Variants in SRSF11 observed in about 807,000 individuals in gnomAD.
SRSF11 encodes the protein serine/arginine-rich splicing factor 11.
A neutral mutation model predicts 56.0 loss-of-function variants in SRSF11; 9 were observed. That is an observed-to-expected ratio of 0.16 (90% confidence interval 0.10 to 0.28). The LOEUF (loss-of-function observed/expected upper bound fraction) is 0.28, where lower values mean the gene tolerates loss of function less well. Among genes scored for constraint, SRSF11 ranks in the 10% least tolerant of loss-of-function variants. The pLI is 1.00. For synonymous variants in SRSF11, 222 were observed against 215.3 expected, an observed-to-expected ratio of 1.03 and a Z score of -0.27; for missense variants, 421 against 600.7, an observed-to-expected ratio of 0.70 and a Z score of 3.13.
Position 70,221,574 on chromosome 1 carries a change from T to A in SRSF11, c.-63T>A. 1 of 1,540,910 alleles carries A rather than the reference T, an allele frequency of 6.5e-7. No individual in the cohort carries two copies. On this transcript the variant is annotated 5_prime_UTR_variant, in exon 1 of 12. Coordinates refer to ENST00000370949, the MANE Select transcript of SRSF11 (RefSeq NM_001350605.2). ...CCCGCAATCCGGTTCCTCTTCCCCC[T>A]CCTTCTCACTGTTTGTTGTGTGTTT...
rs78336031 is a variant in SRSF11, at chr1:70,227,903, T to C, written c.204-519T>C. ...GATTATTTACAGTGCATAAGAGTTCTTACATGCTGTGGGTAAAAGAGTGCA... is the reference window on the plus strand; with the variant it reads ...GATTATTTACAGTGCATAAGAGTTCCTACATGCTGTGGGTAAAAGAGTGCA... On this transcript the variant is annotated intron_variant, in intron 1 of 11. Coordinates refer to ENST00000370949, the MANE Select transcript of SRSF11 (RefSeq NM_001350605.2). Among the ~76,000 whole-genome samples, 1,345 of 152,326 alleles carry C rather than the reference T, an allele frequency of 8.8e-3. 22 individuals are homozygous for C. Among genetic ancestry groups the C allele is most frequent in the African/African-American group, 0.031 (1,269 of 41,562 alleles).
At chr1:70,230,513 CT>C in intron 2 of SRSF11, 1 of 1,247,364 alleles carries the variant, frequency 8.0e-7, no homozygotes, top group Non-Finnish European at 1.0e-6. Context: ...ATGTTTGTTT[CT>C]TTTGTCTGTT....
At position 70,244,755 on chromosome 1, in the gene SRSF11, G is replaced by A; in HGVS notation, c.872G>A (p.Arg291Lys). ...SRSRRRSKSP[R>K]RRRSHSRERG... Reference sequence around the variant, plus strand: ...AGTCGGCGACGATCCAAAAGCCCAAGGCGGAGAAGATCTCATTCCAGAGAA... The same window carrying A: ...AGTCGGCGACGATCCAAAAGCCCAAAGCGGAGAAGATCTCATTCCAGAGAA... The change falls in exon 8 of 12, where the codon AGG (arginine) becomes AAG (lysine). Residue 291 changes from arginine (R) to lysine (K), a missense_variant. Physicochemically the swap from Arg to Lys is conservative, Grantham distance 26 (BLOSUM62 2). Around this residue, in one of 2 missense-constraint regions of SRSF11, gnomAD observed 253 missense variants for 305.8 expected, o/e 0.83. Transcript: ENST00000370949. 3 of 1,614,160 alleles carry A rather than the reference G, an allele frequency of 1.9e-6. No individual in the cohort carries two copies. The highest frequency in any genetic ancestry group is 2.5e-6 in the Non-Finnish European group (3 of 1,180,030).
chr1:70,243,938 AG>A (rs1223548809), intron 7 of SRSF11, among the ~76,000 whole-genome samples: 2 of 152,144 alleles, frequency 1.3e-5, no homozygotes, highest in Admixed American at 6.5e-5. Flanking sequence ...CAACATCTAA[AG>A]GTTAATTGTG....
Position 70,221,546 on chromosome 1 carries a change from T to C in SRSF11, c.-91T>C. On this transcript the variant is annotated 5_prime_UTR_variant, in exon 1 of 12. Coordinates refer to ENST00000370949, the MANE Select transcript of SRSF11 (RefSeq NM_001350605.2). Reference sequence around the variant, plus strand: ...GGCTGTAGCATCGGACACCCTCCTCTCTCCCGCAATCCGGTTCCTCTTCCC... The same window carrying C: ...GGCTGTAGCATCGGACACCCTCCTCCCTCCCGCAATCCGGTTCCTCTTCCC... 2 of 1,495,518 alleles carry C rather than the reference T, an allele frequency of 1.3e-6. No individual in the cohort carries two copies. Among genetic ancestry groups the C allele is most frequent in the Non-Finnish European group, 1.8e-6 (2 of 1,113,612 alleles). The allele number at this position is 1,495,518 out of a possible 1,614,324, so 92.6% of individuals were successfully genotyped here.
At chr1:70,222,476 A>G (rs1208015079) in intron 1 of SRSF11, among the ~76,000 whole-genome samples, 9 of 152,230 alleles carry the variant, frequency 5.9e-5, no homozygotes, top group African/African-American at 2.2e-4. Flanking sequence ...GGATTTTTAT[A>G]AATGTTGAAA....
intron 1 of SRSF11, among the ~76,000 whole-genome samples, chr1:70,215,947 C>T (rs986607304): frequency 2.0e-5 from 3 of 152,236 alleles, no homozygotes; most frequent in East Asian, 1.9e-4. Context: ...CCACCACGCG[C>T]GGCTGATTTT....
Position 70,243,368 on chromosome 1 carries a change from A to C in SRSF11, c.801-1316A>C, listed in dbSNP as rs1010615295. Reference sequence around the variant, plus strand: ...AAAAAAAAAAAAAAAAAAAAAAAAAAAAAAACACAGTGTGTAGGTGGAACC... The same window carrying C: ...AAAAAAAAAAAAAAAAAAAAAAAAACAAAAACACAGTGTGTAGGTGGAACC... On this transcript the variant is annotated intron_variant, in intron 7 of 11. Coordinates refer to ENST00000370949, the MANE Select transcript of SRSF11 (RefSeq NM_001350605.2). Among the ~76,000 whole-genome samples the C allele has an allele frequency of 1.1e-4, 16 of 143,790 alleles. No homozygotes were observed. In the South Asian group the frequency reaches 1.1e-3, roughly 10 times the overall value. 94.3% of individuals were successfully genotyped at this position (143,790 alleles called of 152,430 possible). A position where few individuals can be genotyped will look rare whatever the true frequency, so the allele number is the denominator to read the frequency against.
At position 70,252,312 on chromosome 1, in the gene SRSF11, G is replaced by A. The variant is rs1678072280; in HGVS notation, c.*1507G>A. 1 of 151,940 alleles carries A rather than the reference G, an allele frequency of 6.6e-6. No individual in the cohort carries two copies. Among genetic ancestry groups the A allele is most frequent in the Non-Finnish European group, 1.5e-5 (1 of 67,952 alleles). 9.4% of individuals were successfully genotyped at this position (151,940 alleles called of 1,614,324 possible). A position where few individuals can be genotyped will look rare whatever the true frequency, so the allele number is the denominator to read the frequency against. The stretch of plus-strand genomic sequence containing the variant: ...TATATCTAGCAAATTTATATTTTCG[G>A]TGAAATACAGATATTTGCCTTTCTG... On this transcript the variant is annotated 3_prime_UTR_variant, in exon 12 of 12. Coordinates refer to ENST00000370949, the MANE Select transcript of SRSF11 (RefSeq NM_001350605.2).
At chr1:70,228,865 A>C (rs1214359709) in intron 2 of SRSF11, 11 of 1,065,210 alleles carry the variant, frequency 1.0e-5, no homozygotes, top group Non-Finnish European at 6.8e-6. Flanking sequence ...TTTTATGAAA[A>C]AGCCCTGAAG....
upstream of SRSF11, among the ~76,000 whole-genome samples, chr1:70,216,468 T>TG (rs2100534777): frequency 6.6e-6 from 1 of 151,946 alleles, no homozygotes; most frequent in East Asian, 1.9e-4. Flanking sequence ...GGTCTCACTC[T>TG]GTCACCCAGA....
chr1:70,229,947 T>A (rs1482826624), intron 2 of SRSF11: 1 of 985,292 alleles, frequency 1.0e-6, no homozygotes, highest in Non-Finnish European at 1.2e-6. Context: ...TTCTTTTATG[T>A]CAGTGTGCCT....
chr1:70,246,775 G>C (rs777884312), intron 8 of SRSF11, 43 bp from the exon 9 acceptor site: 3 of 1,361,966 alleles, frequency 2.2e-6, no homozygotes, highest in Non-Finnish European at 3.1e-6. Flanking sequence ...ATTGGCATCA[G>C]CTGAGTCTTC....
intron 7 of SRSF11, among the ~76,000 whole-genome samples, chr1:70,242,555 C>A (rs945361501): frequency 6.6e-6 from 1 of 151,224 alleles, no homozygotes; most frequent in Non-Finnish European, 1.5e-5. Context: ...TTGCCCACCT[C>A]GGCCTCCCAA....
At chr1:70,247,776 A>G (rs1218570593) in intron 9 of SRSF11, among the ~76,000 whole-genome samples, 2 of 152,178 alleles carry the variant, frequency 1.3e-5, no homozygotes, top group Non-Finnish European at 2.9e-5. Context: ...AGTGCTAGTT[A>G]GAAAATTCTT....
chr1:70,241,838 A>C (rs750926234), intron 7 of SRSF11, among the ~76,000 whole-genome samples: 1 of 152,176 alleles, frequency 6.6e-6, no homozygotes, highest in Non-Finnish European at 1.5e-5. Flanking sequence ...TGATTACTAC[A>C]ATTTATATGT....
rs1204114035 is a variant in SRSF11, at chr1:70,233,220, TTTTTGTTTGTTTTTTG to T, written c.447+858_447+873del. ...TCTTTGTTCTGTTTTGTTTTGTTTT[TTTTTGTTTGTTTTTTG>T]TTTTGTTTGTTTTTGTTTTTTTGAG... On this transcript the variant is annotated intron_variant, in intron 3 of 11. Coordinates refer to ENST00000370949, the MANE Select transcript of SRSF11 (RefSeq NM_001350605.2). 9.9e-5 allele frequency among the ~76,000 whole-genome samples: 15 copies of T among 152,198 alleles called. No homozygotes were observed. In the South Asian group the frequency reaches 2.5e-3, roughly 25 times the overall value.
chr1:70,250,970 C>A lies in SRSF11; in HGVS notation c.*165C>A. On this transcript the variant is annotated 3_prime_UTR_variant, in exon 12 of 12. Coordinates refer to ENST00000370949, the MANE Select transcript of SRSF11 (RefSeq NM_001350605.2). ...CATATTAGTTATTTACATCAAAAAG[C>A]TTTTAGAAAATGGTACGAGGTAACC... The A allele has an allele frequency of 1.6e-6, 1 of 622,782 alleles. No homozygotes were observed. Among genetic ancestry groups the A allele is most frequent in the South Asian group, 2.5e-5 (1 of 39,430 alleles). The allele number at this position is 622,782 out of a possible 1,614,324, so 38.6% of individuals were successfully genotyped here.
intron 7 of SRSF11, among the ~76,000 whole-genome samples, chr1:70,241,601 G>A (rs1487960437): frequency 4.6e-5 from 7 of 152,118 alleles, no homozygotes; most frequent in Admixed American, 3.3e-4. Flanking sequence ...TTTTACACGT[G>A]TCATTTGCCA....
Sources: allele counts gnomAD v4.1 joint callset (sites outside exome capture counted in the v4.1 genomes callset), GRCh38; gene constraint gnomAD v4.1.1; regional missense constraint gnomAD v4.1.1; transcripts MANE v1.5; gene names NCBI Gene and HGNC (gene_info 2026-07-23, HGNC 2026-07-21).